The following TMC1 variants were observed in gnomAD, a reference collection of about 807,000 sequenced individuals.
TMC1 encodes the protein transmembrane channel like 1.
A neutral mutation model predicts 105.8 loss-of-function variants in TMC1; 84 were observed. The observed-to-expected ratio is 0.79, with a 90% CI of 0.67 to 0.95. The LOEUF is 0.95. TMC1 is among the 40% of genes least tolerant of loss of function. TMC1 has a pLI of 0.00. For synonymous variants in TMC1, 315 were observed against 311.5 expected (o/e 1.01, Z -0.12); for missense variants, 817 against 914.1 (o/e 0.89, Z 1.37).
intron 13 of TMC1, among the ~76,000 whole-genome samples, chr9:72,787,868 A>C (rs1447844581): frequency 6.6e-6 from 1 of 152,130 alleles, no homozygotes. Flanking sequence ...TTTACATAGG[A>C]GTTTCTTTGC....
At chr9:72,811,949 G>T (rs1158658926) in intron 18 of TMC1, among the ~76,000 whole-genome samples, 3 of 152,118 alleles carry the variant, frequency 2.0e-5, no homozygotes, top group Non-Finnish European at 4.4e-5. Context: ...TGGTATTATT[G>T]TTCCTACTTT....
intron 10 of TMC1, among the ~76,000 whole-genome samples, chr9:72,746,267 C>A (rs897414783): frequency 6.6e-6 from 1 of 152,102 alleles, no homozygotes; most frequent in African/African-American, 2.4e-5. Context: ...TCAGAATAAG[C>A]CTGACATTAT....
Position 72,834,275 on chromosome 9 carries a change from C to T in TMC1, c.2261-1676C>T, listed in dbSNP as rs574553718. On this transcript the variant is annotated intron_variant, in intron 23 of 23. Transcript: ENST00000297784. ...TTTGTCTTTATGAGAATATTAATAA[C>T]TCTTTTTGATGTTTCTTTGCCTTTG... Among the ~76,000 whole-genome samples, 32 of 152,100 alleles carry T rather than the reference C, an allele frequency of 2.1e-4. 1 individual carries two copies. The highest frequency in any genetic ancestry group is 7.7e-4 in the African/African-American group (32 of 41,476).
At chr9:72,803,996 T>C (rs1828524682) in intron 17 of TMC1, among the ~76,000 whole-genome samples, 1 of 152,190 alleles carries the variant, frequency 6.6e-6, no homozygotes, top group South Asian at 2.1e-4. Flanking sequence ...TGCCTATCAA[T>C]GATAGACTGG....
chr9:72,794,041 G>A (rs571577651), intron 17 of TMC1, among the ~76,000 whole-genome samples: 68 of 152,206 alleles, frequency 4.5e-4, no homozygotes, highest in African/African-American at 1.6e-3. Flanking sequence ...TTGACTCCAG[G>A]AGAGAAGGCC....
At chr9:72,736,682 A>G (rs1827303231) in intron 8 of TMC1, among the ~76,000 whole-genome samples, 1 of 152,222 alleles carries the variant, frequency 6.6e-6, no homozygotes, top group East Asian at 1.9e-4. Flanking sequence ...TCATTATTCT[A>G]GAGATTAATA....
intron 8 of TMC1, among the ~76,000 whole-genome samples, chr9:72,725,395 A>G (rs1827104740): frequency 6.9e-6 from 1 of 144,654 alleles, no homozygotes; most frequent in South Asian, 2.2e-4. Flanking sequence ...ATGCGTACAT[A>G]TATATACAGG....
chr9:72,559,447 A>C (rs10115313), intron 1 of TMC1, among the ~76,000 whole-genome samples: 80,528 of 151,866 alleles, frequency 0.53, 22,498 homozygotes, highest in African/African-American at 0.72. Context: ...GTAGGCCCCC[A>C]CCGATGCCCA....
chr9:72,779,244 A>C (rs545636239), intron 13 of TMC1, among the ~76,000 whole-genome samples: 1 of 152,342 alleles, frequency 6.6e-6, no homozygotes, highest in Admixed American at 6.5e-5. Context: ...CTTATATCAC[A>C]GTCAAAACCT....
chr9:72,627,600 T>A (rs1825370825), intron 3 of TMC1, among the ~76,000 whole-genome samples: 1 of 151,980 alleles, frequency 6.6e-6, no homozygotes, highest in Non-Finnish European at 1.5e-5. Flanking sequence ...CGGGTGGGAG[T>A]AAGGCCTTTA....
At chr9:72,605,117 G>A (rs527997635) in intron 2 of TMC1, among the ~76,000 whole-genome samples, 1 of 152,158 alleles carries the variant, frequency 6.6e-6, no homozygotes, top group East Asian at 1.9e-4. Flanking sequence ...TCTAACATAC[G>A]CCAAAAACAA....
At chr9:72,663,066 T>C (rs1331976889) in intron 5 of TMC1, among the ~76,000 whole-genome samples, 1 of 152,226 alleles carries the variant, frequency 6.6e-6, no homozygotes, top group Non-Finnish European at 1.5e-5. Context: ...TAGAGTTCTA[T>C]TACTGAAGTC....
chr9:72,663,668 A>G (rs1825999412), intron 5 of TMC1, among the ~76,000 whole-genome samples: 1 of 152,210 alleles, frequency 6.6e-6, no homozygotes, highest in Admixed American at 6.5e-5. Flanking sequence ...TAGACTTTAT[A>G]AACACCATAT....
chr9:72,737,629 A>T (rs1275284358), intron 8 of TMC1, among the ~76,000 whole-genome samples: 1 of 152,138 alleles, frequency 6.6e-6, no homozygotes. Context: ...ATTAGAACCC[A>T]ACTTGCTTGA....
At chr9:72,584,910 G>C (rs1413889837) in intron 2 of TMC1, among the ~76,000 whole-genome samples, 1 of 150,328 alleles carries the variant, frequency 6.7e-6, no homozygotes, top group East Asian at 2.0e-4. Flanking sequence ...TCAGCCTCCT[G>C]AGTAGCTGGG....
At chr9:72,649,182 C>T (rs1048110941) in intron 5 of TMC1, among the ~76,000 whole-genome samples, 11 of 152,194 alleles carry the variant, frequency 7.2e-5, no homozygotes, top group Admixed American at 3.3e-4. Flanking sequence ...GAATGAGCAA[C>T]GTGATAAAAC....
At chr9:72,789,792 A>T (rs1312376167) in intron 15 of TMC1, among the ~76,000 whole-genome samples, 1 of 152,138 alleles carries the variant, frequency 6.6e-6, no homozygotes, top group Non-Finnish European at 1.5e-5. Context: ...TCCTATGTTG[A>T]TCTCACTGGA....
chr9:72,772,836 A>T (rs961223385), intron 13 of TMC1, among the ~76,000 whole-genome samples: 7 of 152,124 alleles, frequency 4.6e-5, no homozygotes, highest in African/African-American at 1.7e-4. Flanking sequence ...GTATTTTTGT[A>T]CTTGAAGGTG....
At chr9:72,636,255 G>A (rs562479012) in intron 4 of TMC1, among the ~76,000 whole-genome samples, 1 of 152,234 alleles carries the variant, frequency 6.6e-6, no homozygotes, top group East Asian at 1.9e-4. Flanking sequence ...GAAAATTGAG[G>A]CAGCTCAGAG....
Sources: allele counts gnomAD v4.1 joint callset (sites outside exome capture counted in the v4.1 genomes callset), GRCh38; gene constraint gnomAD v4.1.1; transcripts MANE v1.5; gene names NCBI Gene and HGNC (gene_info 2026-07-23, HGNC 2026-07-21).